MYRFL: variants seen among roughly 807,000 people sequenced by gnomAD.
MYRFL encodes myelin regulatory factor like, also known as myelin regulatory factor-like protein.
MYRFL carries 88 observed loss-of-function variants against 109.4 expected under a neutral mutation model. That is an observed-to-expected ratio of 0.80 (90% CI 0.68 to 0.96). The LOEUF (loss-of-function observed/expected upper bound fraction) is 0.96, where lower values mean the gene tolerates loss of function less well. Ranked by LOEUF, MYRFL falls within the 40% of genes least tolerant of loss-of-function variation. MYRFL has a pLI of 0.00. For synonymous variants in MYRFL, 324 were observed against 320.9 expected (o/e 1.01, Z -0.10); for missense variants, 957 against 954.9 (o/e 1.00, Z -0.03).
intron 1 of MYRFL, among the ~76,000 whole-genome samples, chr12:69,853,838 G>T (rs1397758074): frequency 6.6e-6 from 1 of 151,684 alleles, no homozygotes; most frequent in East Asian, 2.0e-4. Flanking sequence ...TCGCGGCCGG[G>T]AAGAGGCGCT....
chr12:69,874,543 T>G (rs1310703036), intron 2 of MYRFL, among the ~76,000 whole-genome samples: 1 of 152,220 alleles, frequency 6.6e-6, no homozygotes, highest in Non-Finnish European at 1.5e-5. Context: ...ATTTTTATTC[T>G]CTTCATACCT....
intron 12 of MYRFL, 96 bp from the exon 13 acceptor site, chr12:69,910,725 G>A (rs1312327786): frequency 3.9e-6 from 3 of 769,568 alleles, no homozygotes; most frequent in African/African-American, 3.6e-5. Context: ...CTTCTTTGCT[G>A]CAAATGTATT....
Position 69,875,209 on chromosome 12 carries a change from T to G in MYRFL, c.138-3819T>G, listed in dbSNP as rs1396667032. On this transcript the variant is annotated intron_variant, in intron 2 of 24. Coordinates refer to ENST00000552032, the MANE Select transcript of MYRFL (RefSeq NM_182530.3). ...TTTTTTAAAGTTCATTTTTTTCCTC[T>G]CTGTTGTTTAGATGGGATGATGTCT... Among the ~76,000 whole-genome samples the G allele has an allele frequency of 2.0e-5, 3 of 151,586 alleles. No individual in the cohort carries two copies. In the East Asian group the frequency reaches 5.9e-4, roughly 30 times the overall value.
At chr12:69,835,029 T>C (rs1882851976) in intron 1 of MYRFL, among the ~76,000 whole-genome samples, 1 of 152,244 alleles carries the variant, frequency 6.6e-6, no homozygotes, top group Non-Finnish European at 1.5e-5. Flanking sequence ...GTTCTAATTT[T>C]ATAGTAAATC....
At chr12:69,859,044 TA>T (rs1229482789) in intron 2 of MYRFL, among the ~76,000 whole-genome samples, 1 of 151,780 alleles carries the variant, frequency 6.6e-6, no homozygotes, top group Non-Finnish European at 1.5e-5. Flanking sequence ...TATATATATA[TA>T]TTTTTTTCAG....
At chr12:69,948,392 G>C (rs141585931) in intron 19 of MYRFL, among the ~76,000 whole-genome samples, 24 of 152,170 alleles carry the variant, frequency 1.6e-4, no homozygotes, top group Non-Finnish European at 2.9e-4. Flanking sequence ...AGGGTTCTAT[G>C]TCTCCAGGAC....
At chr12:69,871,394 T>A (rs1204724715) in intron 2 of MYRFL, among the ~76,000 whole-genome samples, 3 of 152,010 alleles carry the variant, frequency 2.0e-5, no homozygotes, top group Non-Finnish European at 2.9e-5. Flanking sequence ...CATGCCCGGC[T>A]AATTTTTGTA....
intron 2 of MYRFL, among the ~76,000 whole-genome samples, chr12:69,860,904 C>G (rs1443156397): frequency 8.2e-6 from 1 of 121,774 alleles, no homozygotes; most frequent in African/African-American, 3.1e-5. Flanking sequence ...CCCCTCCCCC[C>G]ACCCCACAAC....
intron 19 of MYRFL, among the ~76,000 whole-genome samples, chr12:69,949,975 G>A (rs1013021241): frequency 2.0e-5 from 3 of 152,170 alleles, no homozygotes; most frequent in African/African-American, 7.2e-5. Flanking sequence ...TCAGAACAAT[G>A]TTCAATGAAG....
chr12:69,860,122 G>C (rs957280318), intron 2 of MYRFL, among the ~76,000 whole-genome samples: 3 of 151,860 alleles, frequency 2.0e-5, no homozygotes, highest in Admixed American at 1.3e-4. Context: ...CCCCCAACAG[G>C]CTCCAGTGTA....
Position 69,886,988 on chromosome 12 carries a change from G to T in MYRFL, c.707+18G>T. 2 of 1,535,278 alleles carry T rather than the reference G, an allele frequency of 1.3e-6. No homozygotes were observed. The highest frequency in any genetic ancestry group is 1.7e-6 in the Non-Finnish European group (2 of 1,146,338). ...GAAAAACTGTAAGTGGCTTGAGTGG[G>T]CTGGAGAGTGAGGGGAGAAAGACAG... On this transcript the variant is annotated intron_variant, in intron 6 of 24. Coordinates refer to ENST00000552032, the MANE Select transcript of MYRFL (RefSeq NM_182530.3).
intron 1 of MYRFL, among the ~76,000 whole-genome samples, chr12:69,837,084 A>G (rs1266814256): frequency 6.6e-6 from 1 of 152,202 alleles, no homozygotes; most frequent in Admixed American, 6.5e-5. Flanking sequence ...AGATATGCCT[A>G]AAATCGGATT....
chr12:69,926,777 A>G (rs1301149913), intron 14 of MYRFL, 43 bp downstream of exon 14: 35 of 1,365,276 alleles, frequency 2.6e-5, no homozygotes, highest in Non-Finnish European at 3.1e-5. Context: ...GGGAAAGGAG[A>G]GAGTGAGCTC....
chr12:69,924,871 GT>G (rs1955025494), intron 13 of MYRFL, among the ~76,000 whole-genome samples: 1 of 152,154 alleles, frequency 6.6e-6, no homozygotes, highest in African/African-American at 2.4e-5. Flanking sequence ...AAATACAAAG[GT>G]TTTCTGCTTC....
intron 19 of MYRFL, among the ~76,000 whole-genome samples, chr12:69,938,334 C>T (rs1233935837): frequency 1.3e-5 from 2 of 152,200 alleles, no homozygotes; most frequent in African/African-American, 4.8e-5. Context: ...GAGACCATCT[C>T]ACCTATGAGA....
chr12:69,871,805 A>G (rs1291878574), intron 2 of MYRFL, among the ~76,000 whole-genome samples: 3 of 151,926 alleles, frequency 2.0e-5, no homozygotes, highest in African/African-American at 2.4e-5. Context: ...TGTTTTTACA[A>G]TTTGTTTGGC....
intron 1 of MYRFL, among the ~76,000 whole-genome samples, chr12:69,836,889 C>T (rs983640441): frequency 1.3e-5 from 2 of 152,156 alleles, no homozygotes; most frequent in African/African-American, 4.8e-5. Context: ...TATAGACGGC[C>T]ACCAATATTA....
At chr12:69,946,014 A>G (rs963841584) in intron 19 of MYRFL, among the ~76,000 whole-genome samples, 1 of 142,726 alleles carries the variant, frequency 7.0e-6, no homozygotes, top group South Asian at 2.2e-4. Context: ...AAAAAAAAAA[A>G]TTATAGAAAC....
rs80328063 is a variant in MYRFL, at chr12:69,880,399, A to G, written c.556+107A>G. The G allele has an allele frequency of 1.7e-3, 1,055 of 609,438 alleles. 13 individuals carry two copies. The African/African-American group carries it at 0.018, about 10-fold the overall frequency. 37.8% of individuals were successfully genotyped at this position (609,438 alleles called of 1,614,324 possible). On this transcript the variant is annotated intron_variant, in intron 5 of 24. Coordinates refer to ENST00000552032, the MANE Select transcript of MYRFL (RefSeq NM_182530.3). Reference sequence around the variant, plus strand: ...AGCCCTGCAAAAGTTTCCCTCTCACAGAAGAGCAATGATAAGCTCTGGTAG... The same window carrying G: ...AGCCCTGCAAAAGTTTCCCTCTCACGGAAGAGCAATGATAAGCTCTGGTAG...
Sources: allele counts gnomAD v4.1 joint callset (sites outside exome capture counted in the v4.1 genomes callset), GRCh38; gene constraint gnomAD v4.1.1; transcripts MANE v1.5; gene names NCBI Gene and HGNC (gene_info 2026-07-23, HGNC 2026-07-21).